Variants in OPCML observed in about 807,000 individuals in gnomAD.
OPCML encodes the protein opioid-binding protein/cell adhesion molecule.
OPCML carries 13 observed loss-of-function variants against 37.8 expected under a neutral mutation model. The observed-to-expected ratio is 0.34, with a 90% confidence interval of 0.22 to 0.55. OPCML has a LOEUF of 0.55. OPCML is among the 20% of genes least tolerant of loss of function. The pLI is 0.91. For synonymous variants in OPCML, 176 were observed against 168.8 expected (o/e 1.04, Z -0.33); for missense variants, 341 against 435.6 (o/e 0.78, Z 1.93).
At position 132,634,371 on chromosome 11, in the gene OPCML, T is replaced by A. The variant is rs1046615132; in HGVS notation, c.379+22716A>T. Reference sequence around the variant, plus strand: ...TTTCCACAAGGAACATCTGCACATGTGGAAAATTTCTGCAGGTTGGACTAC... The same window carrying A: ...TTTCCACAAGGAACATCTGCACATGAGGAAAATTTCTGCAGGTTGGACTAC... On this transcript the variant is annotated intron_variant, in intron 3 of 7. Transcript: ENST00000524381. Among the ~76,000 whole-genome samples the A allele has an allele frequency of 3.3e-5, 5 of 152,332 alleles. No homozygotes were observed. In the East Asian group the frequency reaches 9.7e-4, roughly 29 times the overall value.
At chr11:133,030,801 AT>A (rs1947651553) in intron 1 of OPCML, among the ~76,000 whole-genome samples, 1 of 151,980 alleles carries the variant, frequency 6.6e-6, no homozygotes, top group African/African-American at 2.4e-5. Flanking sequence ...AACTCCTGCC[AT>A]TTTTTTCCTT....
chr11:133,476,367 A>G (rs567841689), intron 1 of OPCML, among the ~76,000 whole-genome samples: 8 of 133,966 alleles, frequency 6.0e-5, no homozygotes, highest in Admixed American at 5.1e-4. Flanking sequence ...CAAATTCTAC[A>G]TACACTTTTT....
At chr11:133,499,874 AT>A (rs778116200) in intron 1 of OPCML, among the ~76,000 whole-genome samples, 5,859 of 120,128 alleles carry the variant, frequency 0.049, 182 homozygotes, top group South Asian at 0.091. Flanking sequence ...ATATATATAT[AT>A]TTTTTTTTTT....
At chr11:133,317,099 G>A (rs6590687) in intron 1 of OPCML, among the ~76,000 whole-genome samples, 14,734 of 152,214 alleles carry the variant, frequency 0.097, 1,996 homozygotes, top group African/African-American at 0.31. Flanking sequence ...TCAAGAGGCT[G>A]AGGCCCAAGA....
intron 1 of OPCML, among the ~76,000 whole-genome samples, chr11:133,091,381 T>C (rs933399569): frequency 4.6e-5 from 7 of 152,138 alleles, no homozygotes; most frequent in African/African-American, 1.4e-4. Context: ...GTCTCCCCCA[T>C]ACCACAGAAC....
intron 1 of OPCML, among the ~76,000 whole-genome samples, chr11:133,053,749 C>T (rs1948173125): frequency 6.6e-6 from 1 of 152,124 alleles, no homozygotes; most frequent in Admixed American, 6.5e-5. Context: ...GATCAGCTCT[C>T]CCTCCCTGCC....
At chr11:132,979,842 T>C (rs900365369) in intron 1 of OPCML, among the ~76,000 whole-genome samples, 2 of 152,058 alleles carry the variant, frequency 1.3e-5, no homozygotes, top group Admixed American at 6.6e-5. Flanking sequence ...GAAGGGATGC[T>C]GATGGAGAAG....
At chr11:133,259,576 A>G (rs1348668093) in intron 1 of OPCML, among the ~76,000 whole-genome samples, 2 of 152,244 alleles carry the variant, frequency 1.3e-5, no homozygotes, top group Non-Finnish European at 2.9e-5. Flanking sequence ...AAGTATTTCC[A>G]TCTAAGCACA....
chr11:132,594,196 A>T (rs1032146540), intron 3 of OPCML, among the ~76,000 whole-genome samples: 1 of 152,306 alleles, frequency 6.6e-6, no homozygotes. Flanking sequence ...CCCTTGAGAT[A>T]AAAAGGCAGG....
Position 132,594,608 on chromosome 11 carries a change from T to C in OPCML, c.379+62479A>G, listed in dbSNP as rs150152573. On this transcript the variant is annotated intron_variant, in intron 3 of 7. Transcript: ENST00000524381. ...TATGAATACCATATTCATTTCAGAA[T>C]GCAATACATACCACATAGCTAGGTA... Among the ~76,000 whole-genome samples the C allele has an allele frequency of 7.8e-4, 119 of 152,322 alleles. 1 individual carries two copies. The East Asian group carries it at 0.021, about 27-fold the overall frequency.
intron 1 of OPCML, among the ~76,000 whole-genome samples, chr11:132,954,855 C>CA (rs1204844500): frequency 6.6e-6 from 1 of 151,710 alleles, no homozygotes; most frequent in African/African-American, 2.4e-5. Context: ...GAGGAATGGC[C>CA]AAAAAAATAG....
intron 1 of OPCML, among the ~76,000 whole-genome samples, chr11:133,272,269 A>G (rs554135342): frequency 1.3e-5 from 2 of 150,526 alleles, no homozygotes; most frequent in Non-Finnish European, 3.0e-5. Flanking sequence ...AAAAAAAAAA[A>G]GAAAACTGAA....
intron 1 of OPCML, among the ~76,000 whole-genome samples, chr11:133,444,922 T>A (rs550486155): frequency 2.6e-3 from 324 of 125,986 alleles, no homozygotes; most frequent in African/African-American, 0.015. Context: ...TCCATGGTGA[T>A]CCTGGATGGT....
At chr11:133,391,648 A>G (rs1945176374) in intron 1 of OPCML, among the ~76,000 whole-genome samples, 1 of 152,220 alleles carries the variant, frequency 6.6e-6, no homozygotes, top group Admixed American at 6.5e-5. Context: ...GGTCAGAAAA[A>G]TAAGCCTAGA....
intron 3 of OPCML, among the ~76,000 whole-genome samples, chr11:132,551,054 G>A (rs2096380415): frequency 6.6e-6 from 1 of 152,158 alleles, no homozygotes; most frequent in African/African-American, 2.4e-5. Context: ...GCCTTACCCT[G>A]AGGCTTCCAG....
chr11:132,489,175 T>A (rs898203580), intron 4 of OPCML, among the ~76,000 whole-genome samples: 1 of 151,010 alleles, frequency 6.6e-6, no homozygotes, highest in African/African-American at 2.4e-5. Context: ...AATTCAGACA[T>A]AAACACACAC....
chr11:133,417,228 G>GTCTAT (rs1439630639), intron 1 of OPCML, among the ~76,000 whole-genome samples: 185 of 152,220 alleles, frequency 1.2e-3, no homozygotes, highest in African/African-American at 4.1e-3. Context: ...GGGGGTTGTG[G>GTCTAT]GAATCCCTGA....
chr11:132,759,992 C>A lies in OPCML; in HGVS notation c.147-102673G>T, dbSNP rs547149864. ...AGCTGTGTCCCAGAGATTCTGGTAT[C>A]TTGTGTCTTTGTTCTCATTGGTTTC... On this transcript the variant is annotated intron_variant, in intron 2 of 7. Transcript: ENST00000524381. Among the ~76,000 whole-genome samples the A allele has an allele frequency of 6.6e-5, 10 of 152,218 alleles. No homozygotes were observed. The East Asian group carries it at 1.9e-3, about 29-fold the overall frequency.
chr11:132,430,035 G>A (rs1328917395), intron 7 of OPCML, among the ~76,000 whole-genome samples: 7 of 152,178 alleles, frequency 4.6e-5, no homozygotes, highest in Non-Finnish European at 8.8e-5. Flanking sequence ...GCACTGAGAC[G>A]AGGTCGGGTG....
Sources: allele counts gnomAD v4.1 joint callset (sites outside exome capture counted in the v4.1 genomes callset), GRCh38; gene constraint gnomAD v4.1.1; transcripts MANE v1.5; gene names NCBI Gene and HGNC (gene_info 2026-07-23, HGNC 2026-07-21).